The following CNGA1 variants were observed in gnomAD, a reference collection of about 807,000 sequenced individuals.
CNGA1 encodes the protein cyclic nucleotide gated channel subunit alpha 1.
CNGA1 carries 53 observed loss-of-function variants against 69.7 expected under a neutral mutation model. The ratio of observed to expected loss-of-function variants is 0.76; its 90% confidence interval spans 0.61 to 0.96. CNGA1 has a LOEUF of 0.96. Among genes scored for constraint, CNGA1 ranks in the 40% least tolerant of loss-of-function variants. The pLI is 0.00. For synonymous variants in CNGA1, 249 were observed against 283.5 expected, an observed-to-expected ratio of 0.88 and a Z score of 1.22; for missense variants, 739 against 811.2, an observed-to-expected ratio of 0.91 and a Z score of 1.08.
chr4:47,954,002 C>G (rs956988554), intron 3 of CNGA1, among the ~76,000 whole-genome samples: 1 of 152,112 alleles, frequency 6.6e-6, no homozygotes, highest in African/African-American at 2.4e-5. Context: ...CACGTCCCCC[C>G]CATCCTGTGC....
chr4:47,987,737 G>T (rs1372713415), intron 2 of CNGA1, among the ~76,000 whole-genome samples: 3 of 152,126 alleles, frequency 2.0e-5, no homozygotes, highest in African/African-American at 7.2e-5. Context: ...GAAAGAAATA[G>T]AAAATGATAT....
At chr4:47,988,478 G>A (rs1742085951) in intron 2 of CNGA1, among the ~76,000 whole-genome samples, 1 of 151,988 alleles carries the variant, frequency 6.6e-6, no homozygotes, top group East Asian at 1.9e-4. Context: ...AGCTCTCAGA[G>A]TAGCAACATT....
chr4:47,965,504 G>A (rs1275629959), intron 3 of CNGA1, among the ~76,000 whole-genome samples: 1 of 150,098 alleles, frequency 6.7e-6, no homozygotes, highest in Non-Finnish European at 1.5e-5. Flanking sequence ...TCAGCTCACT[G>A]CAACCTCCAC....
intron 2 of CNGA1, among the ~76,000 whole-genome samples, chr4:47,994,965 T>G (rs1375509578): frequency 6.6e-6 from 1 of 152,158 alleles, no homozygotes; most frequent in African/African-American, 2.4e-5. Context: ...ACACAATTGT[T>G]GGCTGATAAT....
chr4:47,943,051 A>AGTAAATATTG, intron 8 of CNGA1, 130 bp downstream of exon 8: 1 of 660,566 alleles, frequency 1.5e-6, no homozygotes, highest in Non-Finnish European at 2.7e-6. Context: ...TTCAATATTT[A>AGTAAATATTG]AAGACATTTA....
rs528643370 is a variant in CNGA1, at chr4:48,012,558, C to CTTTTTTTTTTTTTTT, written c.-222-1680_-222-1666dup. 4.3e-4 allele frequency among the ~76,000 whole-genome samples: 28 copies of CTTTTTTTTTTTTTTT among 64,994 alleles called. 1 individual carries two copies. The highest frequency in any genetic ancestry group is 1.8e-3 in the African/African-American group (27 of 15,104). The allele number at this position is 64,994 out of a possible 152,430, so 42.6% of individuals were successfully genotyped here. A position where few individuals can be genotyped will look rare whatever the true frequency, so the allele number is the denominator to read the frequency against. On this transcript the variant is annotated intron_variant, in intron 1 of 10. Coordinates refer to ENST00000514170, the MANE Select transcript of CNGA1 (RefSeq NM_001379270.1). ...GCCATTTTCCTCCCCACCACACCAT[C>CTTTTTTTTTTTTTTT]TTTTTTTTTTTTTTTTTTTTTTTTT...
At chr4:48,011,585 G>A (rs1477401902) in intron 1 of CNGA1, among the ~76,000 whole-genome samples, 1 of 152,168 alleles carries the variant, frequency 6.6e-6, no homozygotes. Flanking sequence ...ACTGATCATG[G>A]CGCATGACAC....
intron 2 of CNGA1, among the ~76,000 whole-genome samples, chr4:47,982,145 T>C (rs1408436591): frequency 6.6e-6 from 1 of 152,220 alleles, no homozygotes; most frequent in African/African-American, 2.4e-5. Context: ...CCCTAAGAAC[T>C]CTTTTATGCA....
At chr4:47,956,891 C>T (rs1168987355) in intron 3 of CNGA1, among the ~76,000 whole-genome samples, 1 of 152,082 alleles carries the variant, frequency 6.6e-6, no homozygotes. Context: ...TAAATATCTA[C>T]ATTATAATAA....
chr4:47,978,486 A>G (rs1375130372), intron 3 of CNGA1, among the ~76,000 whole-genome samples: 5 of 152,104 alleles, frequency 3.3e-5, no homozygotes, highest in Admixed American at 2.0e-4. Context: ...TATACCGTCT[A>G]ACTATTAATA....
intron 2 of CNGA1, among the ~76,000 whole-genome samples, chr4:48,007,731 T>C (rs535259224): frequency 2.6e-5 from 4 of 152,306 alleles, no homozygotes; most frequent in Admixed American, 6.5e-5. Flanking sequence ...AATAATGGCA[T>C]AGGAATTATT....
At chr4:47,940,897 T>A in intron 9 of CNGA1, 28 bp from the exon 10 acceptor site, 1 of 1,469,896 alleles carries the variant, frequency 6.8e-7, no homozygotes, top group Non-Finnish European at 9.5e-7. Context: ...CTTGTATAAA[T>A]AAAAAAGAAA....
chr4:48,006,914 C>CA (rs921528536), intron 2 of CNGA1, among the ~76,000 whole-genome samples: 7 of 150,418 alleles, frequency 4.7e-5, no homozygotes, highest in African/African-American at 9.7e-5. Flanking sequence ...TGTGCCCAGC[C>CA]AAAAAAAAGA....
chr4:48,001,459 ACT>A (rs1226870119), intron 2 of CNGA1, among the ~76,000 whole-genome samples: 2 of 152,180 alleles, frequency 1.3e-5, no homozygotes, highest in African/African-American at 4.8e-5. Context: ...ACAGAGCAAG[ACT>A]CTGTTTAAAA....
rs754004038 is a variant in CNGA1, at chr4:47,936,590, T to C, written c.1892A>G (p.Asp631Gly). Residue 631 changes from aspartate (D) to glycine (G), a missense_variant, in exon 11 of 11, where the codon GAC (aspartate) becomes GGC (glycine). Asp to Gly is a moderately conservative substitution (Grantham distance 94). Coordinates refer to ENST00000514170, the MANE Select transcript of CNGA1 (RefSeq NM_001379270.1). Reference protein sequence around the residue: ...EKVTRMEGSVDLLQTRFARIL... With the variant: ...EKVTRMEGSVGLLQTRFARIL... ...TCGGGCAAACCTGGTTTGCAGGAGG[T>C]CTACTGACCCCTCCATTCGAGTAAC... is the stretch of plus-strand genomic sequence containing the variant. 14 of 1,613,992 alleles carry C rather than the reference T, an allele frequency of 8.7e-6. No individual in the cohort carries two copies. Among genetic ancestry groups the C allele is most frequent in the South Asian group, 1.1e-5 (1 of 91,084 alleles).
At chr4:47,945,410 T>C (rs1467954102) in intron 6 of CNGA1, among the ~76,000 whole-genome samples, 2 of 152,186 alleles carry the variant, frequency 1.3e-5, no homozygotes, top group African/African-American at 2.4e-5. Context: ...AAAGAACCTA[T>C]GACCATTACT....
At chr4:48,015,361 G>T (rs2109360845) in intron 1 of CNGA1, among the ~76,000 whole-genome samples, 1 of 152,234 alleles carries the variant, frequency 6.6e-6, no homozygotes, top group African/African-American at 2.4e-5. Flanking sequence ...GCCTTGGACT[G>T]GTATGTTGAC....
At chr4:47,967,117 A>G (rs1358311927) in intron 3 of CNGA1, among the ~76,000 whole-genome samples, 1 of 152,132 alleles carries the variant, frequency 6.6e-6, no homozygotes, top group East Asian at 1.9e-4. Flanking sequence ...AACCTGGCCA[A>G]CATGGCGAAG....
chr4:48,007,905 T>C (rs539360987), intron 2 of CNGA1, among the ~76,000 whole-genome samples: 4 of 152,264 alleles, frequency 2.6e-5, no homozygotes, highest in South Asian at 2.1e-4. Context: ...CAAAAACTTA[T>C]ATGAGTTGAA....
Sources: allele counts gnomAD v4.1 joint callset (sites outside exome capture counted in the v4.1 genomes callset), GRCh38; gene constraint gnomAD v4.1.1; transcripts MANE v1.5; gene names NCBI Gene and HGNC (gene_info 2026-07-23, HGNC 2026-07-21).